The following ADSL variants were observed in gnomAD, a reference collection of about 807,000 sequenced individuals.
ADSL encodes adenylosuccinate lyase.
A neutral mutation model predicts 62.1 loss-of-function variants in ADSL; 44 were observed. The ratio of observed to expected loss-of-function variants is 0.71; its 90% CI spans 0.56 to 0.91. ADSL has a LOEUF of 0.91. ADSL is among the 40% of genes least tolerant of loss of function. The pLI is 0.00. For synonymous variants in ADSL, 198 were observed against 220.5 expected, an observed-to-expected ratio of 0.90 and a Z score of 0.90; for missense variants, 531 against 627.4, an observed-to-expected ratio of 0.85 and a Z score of 1.64.
At chr22:40,371,448 CCTTT>C (rs2045459512), downstream of ADSL, among the ~76,000 whole-genome samples, 1 of 152,108 alleles carries the variant, frequency 6.6e-6, no homozygotes, top group East Asian at 1.9e-4. Flanking sequence ...ATGTTCTACA[CCTTT>C]CTTATTCTTT....
intron 4 of ADSL, among the ~76,000 whole-genome samples, chr22:40,357,409 A>G (rs1010695730): frequency 6.6e-5 from 10 of 151,284 alleles, no homozygotes; most frequent in African/African-American, 2.4e-4. Flanking sequence ...ATGCACCACC[A>G]CGCCTGGCTA....
In ADSL at chr22:40,367,924, G is replaced by GT. The variant is rs1383986292; in HGVS notation, c.*1406dup. On this transcript the variant is annotated 3_prime_UTR_variant, in exon 13 of 13. Transcript: ENST00000623063. Reference sequence around the variant, plus strand: ...TATGCACCAGAACTGAGAGAAGACTGTTTTAGGAGGTGTTAATGGTTGTCC... The same window carrying GT: ...TATGCACCAGAACTGAGAGAAGACTGTTTTTAGGAGGTGTTAATGGTTGTCC... 6.6e-6 allele frequency: 1 copy of GT among 152,214 alleles called. No individual in the cohort carries two copies. The highest frequency in any genetic ancestry group is 1.5e-5 in the Non-Finnish European group (1 of 68,040). The allele number at this position is 152,214 out of a possible 1,614,324, so 9.4% of individuals were successfully genotyped here.
Position 40,354,230 on chromosome 22 carries a change from A to T in ADSL, c.403-18A>T. The T allele has an allele frequency of 1.2e-6, 2 of 1,611,454 alleles. No homozygotes were observed. Among genetic ancestry groups the T allele is most frequent in the Non-Finnish European group, 1.7e-6 (2 of 1,177,580 alleles). On this transcript the variant is annotated intron_variant, in intron 3 of 12. Coordinates refer to ENST00000623063, the MANE Select transcript of ADSL (RefSeq NM_000026.4). ...AACCTGAATTCAACCTCTTTCTATC[A>T]CATGATCTTTCTTGTAGCTTGCCAG...
Position 40,366,416 on chromosome 22 carries a change from T to C in ADSL, c.1369-20T>C. ...TATCTTAACATTTTCTTTTGTCTTG[T>C]ATTTGCTTTCCTCTGGCAGGTGCAG... On this transcript the variant is annotated intron_variant, in intron 12 of 12. Transcript: ENST00000623063. The C allele has an allele frequency of 6.5e-7, 1 of 1,544,238 alleles. No homozygotes were observed. Among genetic ancestry groups the C allele is most frequent in the Non-Finnish European group, 9.0e-7 (1 of 1,116,602 alleles).
At chr22:40,384,480 T>A (rs956643056) in intron 2 of ADSL, among the ~76,000 whole-genome samples, 1 of 151,844 alleles carries the variant, frequency 6.6e-6, no homozygotes, top group Non-Finnish European at 1.5e-5. Context: ...TAAAAAAAAA[T>A]TAAAAAGAAA....
chr22:40,350,923 C>T (rs1351471144), intron 2 of ADSL, among the ~76,000 whole-genome samples: 3 of 152,034 alleles, frequency 2.0e-5, no homozygotes, highest in Non-Finnish European at 4.4e-5. Context: ...AGCCACTGTG[C>T]CTGGCCTTCA....
intron 4 of ADSL, among the ~76,000 whole-genome samples, chr22:40,355,402 C>T (rs1411254003): frequency 6.6e-6 from 1 of 152,188 alleles, no homozygotes; most frequent in East Asian, 1.9e-4. Context: ...TTGAGATCCG[C>T]CCACCTCGGC....
chr22:40,383,789 C>T (rs944913569), intron 2 of ADSL, among the ~76,000 whole-genome samples: 5 of 152,060 alleles, frequency 3.3e-5, no homozygotes, highest in African/African-American at 4.8e-5. Context: ...TTAACATAAA[C>T]GGAATGATAA....
intron 2 of ADSL, 151 bp downstream of exon 2, chr22:40,350,186 G>A (rs1313847494): frequency 5.6e-6 from 4 of 712,186 alleles, no homozygotes; most frequent in Admixed American, 5.4e-5. Flanking sequence ...CTGGAGTGCA[G>A]TGGCACGGCT....
chr22:40,362,739 A>C (rs565611063), intron 9 of ADSL, among the ~76,000 whole-genome samples: 61 of 152,202 alleles, frequency 4.0e-4, no homozygotes, highest in African/African-American at 1.4e-3. Flanking sequence ...CAGTTTGGGG[A>C]TTGAGGTACC....
At position 40,361,477 on chromosome 22, in the gene ADSL, T is replaced by A. The variant is rs375532126; in HGVS notation, c.863-11T>A. 3.1e-6 allele frequency: 5 copies of A among 1,614,220 alleles called. No homozygotes were observed. The highest frequency in any genetic ancestry group is 2.2e-5 in the East Asian group (1 of 44,882). On this transcript the variant is annotated splice_polypyrimidine_tract_variant and intron_variant, in intron 8 of 12. Transcript: ENST00000623063. ...CTGCCTTTGCATCTTGTCCTTTTTTTACATGGGCAGGCTCAAGTGCGATGC... is the reference window on the plus strand; with the variant it reads ...CTGCCTTTGCATCTTGTCCTTTTTTAACATGGGCAGGCTCAAGTGCGATGC...
chr22:40,366,490 G>T lies in ADSL; in HGVS notation c.1423G>T (p.Val475Leu). 1 of 1,613,244 alleles carries T rather than the reference G, an allele frequency of 6.2e-7. No individual in the cohort carries two copies. The highest frequency in any genetic ancestry group is 1.1e-5 in the South Asian group (1 of 91,066). The change falls in exon 13 of 13, where the codon GTG becomes TTG. Residue 475 changes from valine to leucine, a missense_variant. Val to Leu is a conservative substitution (Grantham distance 32). This residue lies in a region of ADSL where 471 missense variants were observed against 592.9 expected (regional missense o/e 0.79). Transcript: ENST00000623063. Reference sequence around the variant, plus strand: ...TCCCCTGTTAAAACCATATGAAAGCGTGATGAAGGTGAAAGCAGAATTATG... The same window carrying T: ...TCCCCTGTTAAAACCATATGAAAGCTTGATGAAGGTGAAAGCAGAATTATG... ...VYPLLKPYES[V>L]MKVKAELCL
At chr22:40,376,235 C>T (rs2046567847) in intron 2 of ADSL, 1 of 114,298 alleles carries the variant, frequency 8.7e-6, no homozygotes, top group Non-Finnish European at 1.7e-5. Flanking sequence ...GTACGGTAGT[C>T]GGAGCACCAA....
intron 1 of ADSL, among the ~76,000 whole-genome samples, chr22:40,347,698 G>C (rs943662762): frequency 3.9e-5 from 6 of 152,206 alleles, no homozygotes; most frequent in African/African-American, 1.4e-4. Context: ...CAGACATTCA[G>C]ATAGTGCCTT....
rs1250203878 is a variant in ADSL at position 40,369,102 on chromosome 22, G to A, written c.*2580G>A. 1 of 152,098 alleles carries A rather than the reference G, an allele frequency of 6.6e-6. No homozygotes were observed. The highest frequency in any genetic ancestry group is 1.5e-5 in the Non-Finnish European group (1 of 68,022). 9.4% of individuals were successfully genotyped at this position (152,098 alleles called of 1,614,324 possible). A position where few individuals can be genotyped will look rare whatever the true frequency, so the allele number is the denominator to read the frequency against. On this transcript the variant is annotated 3_prime_UTR_variant, in exon 13 of 13. Coordinates refer to ENST00000623063, the MANE Select transcript of ADSL (RefSeq NM_000026.4). ...TTTATATTACATAACAGATACTGGG[G>A]ATATAGGATACCATGGATTTTAGTT...
intron 4 of ADSL, among the ~76,000 whole-genome samples, chr22:40,357,441 C>T (rs980110421): frequency 3.1e-4 from 47 of 151,540 alleles, no homozygotes; most frequent in African/African-American, 9.0e-4. Flanking sequence ...TTAGTAGAGA[C>T]GGGGTTTCTC....
chr22:40,364,256 C>T lies in ADSL; in HGVS notation c.1102-20C>T, dbSNP rs1268172965. 6.2e-7 allele frequency: 1 copy of T among 1,610,584 alleles called. No homozygotes were observed. The highest frequency in any genetic ancestry group is 8.5e-7 in the Non-Finnish European group (1 of 1,177,672). On this transcript the variant is annotated intron_variant, in intron 10 of 12. Coordinates refer to ENST00000623063, the MANE Select transcript of ADSL (RefSeq NM_000026.4). ...CCTTGAGGCACCTTTCTTGGTCATT[C>T]ACCGTATCTTTTCCTATAGGTAATT...
chr22:40,381,079 G>A (rs1424877693), intron 2 of ADSL, among the ~76,000 whole-genome samples: 1 of 152,198 alleles, frequency 6.6e-6, no homozygotes, highest in African/African-American at 2.4e-5. Flanking sequence ...AAGTAATTAG[G>A]AAAGGTTATA....
downstream of ADSL, among the ~76,000 whole-genome samples, chr22:40,372,190 G>A (rs1448528115): frequency 2.3e-5 from 3 of 129,276 alleles, no homozygotes; most frequent in Admixed American, 9.7e-5. Flanking sequence ...GCAGTGGCGC[G>A]ATCTCGGCTC....
Sources: allele counts gnomAD v4.1 joint callset (sites outside exome capture counted in the v4.1 genomes callset), GRCh38; gene constraint gnomAD v4.1.1; regional missense constraint gnomAD v4.1.1; transcripts MANE v1.5; gene names NCBI Gene and HGNC (gene_info 2026-07-23, HGNC 2026-07-21).